The following ARNT2 variants were observed in gnomAD, a reference collection of about 807,000 sequenced individuals.
ARNT2 encodes ARNT protein 2.
Under a neutral mutation model 91.7 loss-of-function variants are expected in ARNT2, and 36 were observed. The observed-to-expected ratio is 0.39, with a 90% CI of 0.30 to 0.52. The LOEUF is 0.52. Among genes scored for constraint, ARNT2 ranks in the 20% least tolerant of loss-of-function variants. The pLI is 0.72. For missense variants in ARNT2, 775 were observed against 939.3 expected, an observed-to-expected ratio of 0.83 and a Z score of 2.29; for synonymous variants, 365 against 347.1, an observed-to-expected ratio of 1.05 and a Z score of -0.57.
intron 1 of ARNT2, among the ~76,000 whole-genome samples, chr15:80,437,037 C>T (rs1323872847): frequency 2.0e-5 from 3 of 152,298 alleles, no homozygotes; most frequent in East Asian, 1.9e-4. Context: ...ACTTTTCACA[C>T]AGCTTGTCCT....
chr15:80,472,495 A>G (rs888441702), intron 4 of ARNT2, among the ~76,000 whole-genome samples: 2 of 152,208 alleles, frequency 1.3e-5, no homozygotes, highest in Non-Finnish European at 2.9e-5. Context: ...AGGGATGAGG[A>G]ACTAACGTTT....
At chr15:80,426,482 CAT>C (rs573745831) in intron 1 of ARNT2, among the ~76,000 whole-genome samples, 244 of 152,284 alleles carry the variant, frequency 1.6e-3, no homozygotes, top group African/African-American at 5.6e-3. Flanking sequence ...CACCAGAATC[CAT>C]AGCAAAACAC....
Position 80,555,138 on chromosome 15 carries a change from A to G in ARNT2, c.1163A>G (p.Gln388Arg). 6.2e-7 allele frequency: 1 copy of G among 1,614,208 alleles called. No homozygotes were observed. Among genetic ancestry groups the G allele is most frequent in the Non-Finnish European group, 8.5e-7 (1 of 1,180,006 alleles). The change falls in exon 11 of 19, where the codon CAG (glutamine) becomes CGG (arginine). Residue 388 changes from glutamine to arginine, a missense_variant and splice_region_variant. Gln to Arg is a conservative substitution (Grantham distance 43, BLOSUM62 1). This residue lies in a region of ARNT2 where 285 missense variants were observed against 327.2 expected (regional missense o/e 0.87). Transcript: ENST00000303329. Reference sequence around the variant, plus strand: ...AGCCATCTGCGTGAGAGCTTCCAGCAGGTACATACTGCCAGTACCCACTTA... The same window carrying G: ...AGCCATCTGCGTGAGAGCTTCCAGCGGGTACATACTGCCAGTACCCACTTA... ...DQSHLRESFQ[Q>R]VVKLKGQVLS...
intron 5 of ARNT2, among the ~76,000 whole-genome samples, chr15:80,501,495 C>T (rs1206474354): frequency 1.3e-5 from 2 of 152,198 alleles, no homozygotes; most frequent in Non-Finnish European, 2.9e-5. Context: ...TTTTCTAAAA[C>T]GACCATGTTA....
At chr15:80,460,427 T>C (rs1422628167) in intron 3 of ARNT2, among the ~76,000 whole-genome samples, 1 of 152,212 alleles carries the variant, frequency 6.6e-6, no homozygotes, top group Non-Finnish European at 1.5e-5. Flanking sequence ...CTGCCACTGC[T>C]GTGTGACCTC....
chr15:80,561,056 C>G (rs1007095666), intron 11 of ARNT2, among the ~76,000 whole-genome samples: 1 of 152,194 alleles, frequency 6.6e-6, no homozygotes, highest in Non-Finnish European at 1.5e-5. Context: ...CTCTGAGAGC[C>G]TGCTCCTTGC....
intron 5 of ARNT2, among the ~76,000 whole-genome samples, chr15:80,491,465 A>G (rs979230624): frequency 1.3e-5 from 2 of 152,156 alleles, no homozygotes; most frequent in Non-Finnish European, 2.9e-5. Context: ...GATCCCTTCA[A>G]CGACATGTGG....
intron 3 of ARNT2, among the ~76,000 whole-genome samples, chr15:80,465,584 C>G (rs190773247): frequency 6.6e-6 from 1 of 152,314 alleles, no homozygotes; most frequent in East Asian, 1.9e-4. Flanking sequence ...ATTTCAAGTG[C>G]TGACTTCTCA....
intron 1 of ARNT2, chr15:80,442,875 C>T (rs1896215576): frequency 1.0e-6 from 1 of 985,248 alleles, no homozygotes; most frequent in Non-Finnish European, 1.2e-6. Flanking sequence ...TTAGAATTTT[C>T]CCTTTTTGGG....
chr15:80,584,686 T>G (rs1898861625), intron 17 of ARNT2, among the ~76,000 whole-genome samples: 1 of 152,264 alleles, frequency 6.6e-6, no homozygotes, highest in Non-Finnish European at 1.5e-5. Flanking sequence ...CGTGGGCACA[T>G]CTGAGTGGCT....
chr15:80,511,390 G>A (rs1897339028), intron 6 of ARNT2, among the ~76,000 whole-genome samples: 1 of 152,136 alleles, frequency 6.6e-6, no homozygotes, highest in Non-Finnish European at 1.5e-5. Flanking sequence ...TGGAGGGTGG[G>A]AGGAGGAAGA....
intron 9 of ARNT2, 35 bp downstream of exon 9, chr15:80,551,310 T>G (rs1363982818): frequency 1.3e-6 from 2 of 1,573,516 alleles, no homozygotes; most frequent in Non-Finnish European, 1.7e-6. Context: ...TAATCTTAAA[T>G]GAAGGCTTAT....
At chr15:80,431,559 A>T (rs1182744510) in intron 1 of ARNT2, among the ~76,000 whole-genome samples, 1 of 152,176 alleles carries the variant, frequency 6.6e-6, no homozygotes, top group African/African-American at 2.4e-5. Context: ...GATGGGCCGT[A>T]GTAGGGGAGT....
intron 5 of ARNT2, among the ~76,000 whole-genome samples, chr15:80,506,206 G>A (rs1480502581): frequency 1.3e-5 from 2 of 152,194 alleles, no homozygotes; most frequent in East Asian, 3.9e-4. Context: ...AAAGTGCTGG[G>A]ATTACAGGCG....
At chr15:80,557,953 A>T (rs1045611717) in intron 11 of ARNT2, among the ~76,000 whole-genome samples, 4 of 152,204 alleles carry the variant, frequency 2.6e-5, no homozygotes, top group African/African-American at 9.6e-5. Flanking sequence ...GCTCCTTATC[A>T]TAGCTTCATG....
chr15:80,522,552 G>A (rs1897566416), intron 8 of ARNT2, among the ~76,000 whole-genome samples: 1 of 152,136 alleles, frequency 6.6e-6, no homozygotes, highest in Non-Finnish European at 1.5e-5. Flanking sequence ...ATGTGGGATA[G>A]CCTGTTGCTC....
At chr15:80,445,131 T>C (rs1896276065) in intron 1 of ARNT2, 1 of 149,468 alleles carries the variant, frequency 6.7e-6, no homozygotes, top group Non-Finnish European at 1.5e-5. Flanking sequence ...ATGGAGTGTG[T>C]GTGGTGTGTG....
intron 5 of ARNT2, among the ~76,000 whole-genome samples, chr15:80,507,391 G>A (rs1029569589): frequency 2.6e-5 from 4 of 152,196 alleles, no homozygotes; most frequent in African/African-American, 9.6e-5. Flanking sequence ...GGGACTCGGG[G>A]ATAATGTCTG....
intron 11 of ARNT2, among the ~76,000 whole-genome samples, chr15:80,559,179 C>G (rs1006374331): frequency 6.9e-6 from 1 of 145,760 alleles, no homozygotes; most frequent in Non-Finnish European, 1.5e-5. Flanking sequence ...CTGTCAGAAC[C>G]GGTTGGTTTT....
Sources: allele counts gnomAD v4.1 joint callset (sites outside exome capture counted in the v4.1 genomes callset), GRCh38; gene constraint gnomAD v4.1.1; regional missense constraint gnomAD v4.1.1; transcripts MANE v1.5; gene names NCBI Gene and HGNC (gene_info 2026-07-23, HGNC 2026-07-21).